The following ROBO1 variants were observed in gnomAD, a reference collection of about 807,000 sequenced individuals.
ROBO1 encodes the protein roundabout homolog 1.
A neutral mutation model predicts 195.9 loss-of-function variants in ROBO1; 149 were observed. The ratio of observed to expected loss-of-function variants is 0.76; its 90% CI spans 0.67 to 0.87. ROBO1 has a LOEUF of 0.87. ROBO1 is among the 40% of genes least tolerant of loss of function. The pLI is 0.00. For synonymous variants in ROBO1, 816 were observed against 733.2 expected (o/e 1.11, Z -1.82); for missense variants, 1,933 against 2,068.3 (o/e 0.93, Z 1.27).
chr3:78,897,287 G>A (rs2037295477), intron 4 of ROBO1, among the ~76,000 whole-genome samples: 1 of 152,100 alleles, frequency 6.6e-6, no homozygotes, highest in South Asian at 2.1e-4. Flanking sequence ...ACAAGCATCA[G>A]TATTTTTCGA....
At chr3:79,516,209 A>G (rs919485491) in intron 2 of ROBO1, among the ~76,000 whole-genome samples, 2 of 152,222 alleles carry the variant, frequency 1.3e-5, no homozygotes, top group African/African-American at 4.8e-5. Context: ...GTATAATTAA[A>G]ATAATTCAAA....
At chr3:78,673,565 T>C (rs1708204224) in intron 10 of ROBO1, among the ~76,000 whole-genome samples, 1 of 20,110 alleles carries the variant, frequency 5.0e-5, no homozygotes, top group East Asian at 2.6e-3. Context: ...ATATATTTTA[T>C]ATATATATAT....
chr3:78,886,178 T>C (rs912509100), intron 4 of ROBO1, among the ~76,000 whole-genome samples: 4 of 151,866 alleles, frequency 2.6e-5, no homozygotes, highest in African/African-American at 9.7e-5. Context: ...TTTTAGAATA[T>C]ATATCTTTTA....
intron 2 of ROBO1, among the ~76,000 whole-genome samples, chr3:79,146,641 A>C (rs1041907207): frequency 2.6e-5 from 4 of 151,920 alleles, no homozygotes; most frequent in Non-Finnish European, 5.9e-5. Flanking sequence ...TTGATTTTTC[A>C]TTGTTACCAT....
intron 2 of ROBO1, among the ~76,000 whole-genome samples, chr3:79,401,576 A>C (rs2037367503): frequency 6.6e-6 from 1 of 151,866 alleles, no homozygotes; most frequent in Admixed American, 6.6e-5. Flanking sequence ...ATTTTAATTA[A>C]GTTTTTGAAA....
chr3:79,700,288 CGTGTGTGTGTGT>C (rs141865243), intron 1 of ROBO1, among the ~76,000 whole-genome samples: 1 of 147,648 alleles, frequency 6.8e-6, no homozygotes, highest in Non-Finnish European at 1.5e-5. Flanking sequence ...GTGATGAACA[CGTGTGTGTGTGT>C]GTTTGTGTGT....
Position 79,616,761 on chromosome 3 carries a change from A to G in ROBO1, c.-50-26800T>C, listed in dbSNP as rs79122471. Among the ~76,000 whole-genome samples, 997 of 152,274 alleles carry G rather than the reference A, an allele frequency of 6.5e-3. 10 individuals are homozygous for G. The highest frequency in any genetic ancestry group is 0.023 in the African/African-American group (938 of 41,576). ...GTCTTTTGGTACTGGGAGTTGGCAC[A>G]GGCTTACTTGAAGACAGCCATTCCA... On this transcript the variant is annotated intron_variant, in intron 1 of 30. Coordinates refer to ENST00000464233, the MANE Select transcript of ROBO1 (RefSeq NM_002941.4).
At chr3:79,039,757 G>A (rs961210981) in intron 3 of ROBO1, among the ~76,000 whole-genome samples, 4 of 127,296 alleles carry the variant, frequency 3.1e-5, no homozygotes, top group East Asian at 2.5e-4. Context: ...ACCCGAGATC[G>A]CGCCACTGTG....
At chr3:79,381,512 C>T (rs2036575746) in intron 2 of ROBO1, among the ~76,000 whole-genome samples, 1 of 151,876 alleles carries the variant, frequency 6.6e-6, no homozygotes, top group Non-Finnish European at 1.5e-5. Flanking sequence ...CCATAGTTGT[C>T]ACTATCACTG....
At chr3:79,056,687 G>A (rs1207064744) in intron 3 of ROBO1, among the ~76,000 whole-genome samples, 1 of 152,018 alleles carries the variant, frequency 6.6e-6, no homozygotes, top group Non-Finnish European at 1.5e-5. Context: ...TGAACCCTGA[G>A]GCGTCACTAG....
intron 2 of ROBO1, among the ~76,000 whole-genome samples, chr3:79,342,871 C>A (rs1330618814): frequency 6.6e-6 from 1 of 152,142 alleles, no homozygotes; most frequent in Non-Finnish European, 1.5e-5. Flanking sequence ...CACCAGAGTC[C>A]ATAGCTTAGA....
At chr3:78,756,864 TATAG>T (rs1429812169) in intron 4 of ROBO1, among the ~76,000 whole-genome samples, 2 of 152,110 alleles carry the variant, frequency 1.3e-5, no homozygotes, top group African/African-American at 4.8e-5. Context: ...TAACAGCTCA[TATAG>T]AATCATAACT....
chr3:78,924,913 ATACT>A (rs2039127015), intron 4 of ROBO1, among the ~76,000 whole-genome samples: 1 of 151,984 alleles, frequency 6.6e-6, no homozygotes, highest in Admixed American at 6.5e-5. Context: ...ATATTTTAAA[ATACT>A]TAAATTAATA....
chr3:78,999,421 C>A (rs975676924), intron 3 of ROBO1, among the ~76,000 whole-genome samples: 1 of 152,010 alleles, frequency 6.6e-6, no homozygotes, highest in Non-Finnish European at 1.5e-5. Flanking sequence ...AAGCCATTAT[C>A]CTAAGCAAAT....
rs1374979380 is a variant in ROBO1 at position 78,628,201 on chromosome 3, G to A, written c.3627-632C>T. On this transcript the variant is annotated intron_variant, in intron 25 of 30. Coordinates refer to ENST00000464233, the MANE Select transcript of ROBO1 (RefSeq NM_002941.4). ...ACTGCTGACTTCAAGTGATCCATCC[G>A]CCTCAGCCTCCCAAAGTGCTGGGAT... 3.9e-5 allele frequency among the ~76,000 whole-genome samples: 6 copies of A among 152,188 alleles called. No homozygotes were observed. The South Asian group carries it at 6.2e-4, about 16-fold the overall frequency.
At chr3:79,263,787 T>C (rs958965248) in intron 2 of ROBO1, among the ~76,000 whole-genome samples, 3 of 152,132 alleles carry the variant, frequency 2.0e-5, no homozygotes, top group Non-Finnish European at 4.4e-5. Flanking sequence ...ATTTTCTTCT[T>C]TTTCCCTCCC....
intron 4 of ROBO1, among the ~76,000 whole-genome samples, chr3:78,763,696 A>G (rs1390488468): frequency 6.6e-6 from 1 of 152,128 alleles, no homozygotes; most frequent in Non-Finnish European, 1.5e-5. Context: ...AGTCTTTGAA[A>G]AACCAAGTGT....
chr3:79,551,518 T>C (rs1576011117), intron 2 of ROBO1, among the ~76,000 whole-genome samples: 1 of 152,130 alleles, frequency 6.6e-6, no homozygotes, highest in African/African-American at 2.4e-5. Context: ...TCAGCACTTT[T>C]ATTTAAGAAT....
At chr3:79,402,185 T>C (rs1187774902) in intron 2 of ROBO1, among the ~76,000 whole-genome samples, 1 of 151,940 alleles carries the variant, frequency 6.6e-6, no homozygotes, top group African/African-American at 2.4e-5. Flanking sequence ...ACACAAATAA[T>C]AAATTTGTGA....
Sources: gnomAD v4.1 joint callset for allele counts (sites outside exome capture counted in the v4.1 genomes callset) on GRCh38, gnomAD v4.1.1 for gene constraint, MANE v1.5 for transcripts, NCBI Gene and HGNC (gene_info 2026-07-23, HGNC 2026-07-21) for gene names.